COA3: variants seen among roughly 807,000 people sequenced by gnomAD.
The protein encoded by COA3 is cytochrome c oxidase assembly factor 3 homolog, mitochondrial.
COA3 carries 10 observed loss-of-function variants against 10.1 expected under a neutral mutation model. The ratio of observed to expected loss-of-function variants is 0.99; its 90% confidence interval spans 0.61 to 1.67. The LOEUF (loss-of-function observed/expected upper bound fraction) is 1.67. Ranked by LOEUF, COA3 falls within the 40% of genes most tolerant of loss-of-function variation. COA3 has a pLI of 0.00. For synonymous variants in COA3, 57 were observed against 63.1 expected, an observed-to-expected ratio of 0.90 and a Z score of 0.46; for missense variants, 142 against 140.7, an observed-to-expected ratio of 1.01 and a Z score of -0.05.
intron 1 of COA3, 112 bp from the exon 2 acceptor site, chr17:42,798,279 G>T: frequency 1.0e-6 from 1 of 971,320 alleles, no homozygotes; most frequent in Non-Finnish European, 1.6e-6. Context: ...TCCCGCCGCT[G>T]CTGTTTCTAA....
Position 42,798,567 on chromosome 17 carries a change from G to T in COA3, c.115C>A (p.Arg39=), listed in dbSNP as rs748106361. 2.5e-6 allele frequency: 4 copies of T among 1,614,000 alleles called. No individual in the cohort carries two copies. Among genetic ancestry groups the T allele is most frequent in the Non-Finnish European group, 2.5e-6 (3 of 1,180,044 alleles). Residue 39 remains arginine (R), a synonymous_variant, in exon 1 of 2, where the codon CGG becomes AGG. Coordinates refer to ENST00000328434, the MANE Select transcript of COA3 (RefSeq NM_001040431.3). ...TGCCACTGGGCAAGCTCCGCCTGCCGCATGGAATGCAGTTGCTCGGGTGTC... is the reference window on the plus strand; with the variant it reads ...TGCCACTGGGCAAGCTCCGCCTGCCTCATGGAATGCAGTTGCTCGGGTGTC... ...KLTPEQLHSM[R]QAELAQWQKV...
rs1377685102 is a variant in COA3 at position 42,798,628 on chromosome 17, C to CGGG, written c.51_53dup (p.Pro18dup). 1 of 1,614,110 alleles carries CGGG rather than the reference C, an allele frequency of 6.2e-7. No homozygotes were observed. On this transcript the variant is annotated inframe_insertion, in exon 1 of 2. Transcript: ENST00000328434. ...GAGTCGGGTCGATACGCTGAGCGAA[C>CGGG]GGGGCCTCTCCACGCTTAGAATCCA...
chr17:42,798,152 T>A lies in COA3; in HGVS notation c.230A>T (p.Tyr77Phe). The A allele has an allele frequency of 6.2e-7, 1 of 1,613,628 alleles. No homozygotes were observed. The highest frequency in any genetic ancestry group is 1.3e-5 in the African/African-American group (1 of 74,962). Reference protein sequence around the residue: ...LVLAIYGYTFYSISQERFLDE... With the variant: ...LVLAIYGYTFFSISQERFLDE... Reference sequence around the variant, plus strand: ...TAGGAAACGCTCCTGGGAAATCGAGTAGAAGGTGTAACCATCTGGGGAGGT... The same window carrying A: ...TAGGAAACGCTCCTGGGAAATCGAGAAGAAGGTGTAACCATCTGGGGAGGT... The change falls in exon 2 of 2, where the codon TAC becomes TTC. Residue 77 changes from tyrosine to phenylalanine, a missense_variant. Physicochemically the swap from Tyr to Phe is conservative, Grantham distance 22. Transcript: ENST00000328434.
rs769313228 is a variant in COA3 at position 42,798,186 on chromosome 17, G to T, written c.215-19C>A. Reference sequence around the variant, plus strand: ...TAACCATCTGGGGAGGTAGGTTCAGGAAACCACACAGAATATGCACATTCC... The same window carrying T: ...TAACCATCTGGGGAGGTAGGTTCAGTAAACCACACAGAATATGCACATTCC... On this transcript the variant is annotated intron_variant, in intron 1 of 1. Coordinates refer to ENST00000328434, the MANE Select transcript of COA3 (RefSeq NM_001040431.3). 1.3e-6 allele frequency: 2 copies of T among 1,533,180 alleles called. No homozygotes were observed. The highest frequency in any genetic ancestry group is 1.8e-6 in the Non-Finnish European group (2 of 1,106,872). The allele number at this position is 1,533,180 out of a possible 1,614,324, so 95.0% of individuals were successfully genotyped here. A position where few individuals can be genotyped will look rare whatever the true frequency, so the allele number is the denominator to read the frequency against.
In COA3 at chr17:42,798,102, C is replaced by A. The variant is rs776005973; in HGVS notation, c.280G>T (p.Ala94Ser). ...FLDELEDEAK[A>S]ARARALARAS... ...CTTGCCAGAGCTCGGGCTCGGGCAG[C>A]TTTGGCCTCGTCTTCTAGCTCATCT... Residue 94 changes from alanine (A) to serine (S), a missense_variant, in exon 2 of 2, where the codon GCT becomes TCT. Ala to Ser is a moderately conservative substitution (Grantham distance 99). Coordinates refer to ENST00000328434, the MANE Select transcript of COA3 (RefSeq NM_001040431.3). The A allele has an allele frequency of 6.2e-7, 1 of 1,614,166 alleles. No individual in the cohort carries two copies. Among genetic ancestry groups the A allele is most frequent in the Admixed American group, 1.7e-5 (1 of 60,026 alleles).
At position 42,798,111 on chromosome 17, in the gene COA3, C is replaced by A. The variant is rs61757404; in HGVS notation, c.271G>T (p.Glu91Ter). 1.9e-6 allele frequency: 3 copies of A among 1,614,092 alleles called. No individual in the cohort carries two copies. The highest frequency in any genetic ancestry group is 2.5e-6 in the Non-Finnish European group (3 of 1,180,020). Residue 91 changes from glutamate to a stop codon, truncating the protein, a stop_gained, in exon 2 of 2, where the codon GAG becomes TAG. Transcript: ENST00000328434. LOFTEE classifies it high-confidence loss of function. ...GCTCGGGCTCGGGCAGCTTTGGCCT[C>A]GTCTTCTAGCTCATCTAGGAAACGC... is the stretch of plus-strand genomic sequence containing the variant. ...QERFLDELEDEAKAARARALA... is the reference protein window; with the variant it reads ...QERFLDELED
In COA3 at chr17:42,798,056, C is replaced by CCAGA. The variant is rs749905448; in HGVS notation, c.*1_*4dup. On this transcript the variant is annotated 3_prime_UTR_variant, in exon 2 of 2. Transcript: ENST00000328434. ...CAGGTTGGACATGATCAATACCCATCCAGATTAGGACCCTGACGCCCTTGC... is the reference window on the plus strand; with the variant it reads ...CAGGTTGGACATGATCAATACCCATCCAGACAGATTAGGACCCTGACGCCCTTGC... The CCAGA allele has an allele frequency of 1.9e-5, 31 of 1,610,702 alleles. No individual in the cohort carries two copies. The highest frequency in any genetic ancestry group is 1.6e-4 in the Middle Eastern group (1 of 6,080).
At position 42,798,566 on chromosome 17, in the gene COA3, C is replaced by G. The variant is rs2054713715; in HGVS notation, c.116G>C (p.Arg39Pro). The change falls in exon 1 of 2, where the codon CGG (arginine) becomes CCG (proline). Residue 39 changes from arginine to proline, a missense_variant. Arg to Pro is a moderately radical substitution (Grantham distance 103). Transcript: ENST00000328434. ...CTGCCACTGGGCAAGCTCCGCCTGC[C>G]GCATGGAATGCAGTTGCTCGGGTGT... ...KLTPEQLHSM[R>P]QAELAQWQKV... The G allele has an allele frequency of 5.6e-6, 9 of 1,614,154 alleles. No individual in the cohort carries two copies. The highest frequency in any genetic ancestry group is 6.8e-6 in the Non-Finnish European group (8 of 1,180,054).
Position 42,798,152 on chromosome 17 carries a change from T to C in COA3, c.230A>G (p.Tyr77Cys). 1.9e-6 allele frequency: 3 copies of C among 1,613,630 alleles called. No individual in the cohort carries two copies. The highest frequency in any genetic ancestry group is 2.5e-6 in the Non-Finnish European group (3 of 1,179,676). ...LVLAIYGYTF[Y>C]SISQERFLDE... ...TAGGAAACGCTCCTGGGAAATCGAG[T>C]AGAAGGTGTAACCATCTGGGGAGGT... Residue 77 changes from tyrosine to cysteine, a missense_variant, in exon 2 of 2, where the codon TAC becomes TGC. Physicochemically the swap from Tyr to Cys is radical, Grantham distance 194 (BLOSUM62 -2). Coordinates refer to ENST00000328434, the MANE Select transcript of COA3 (RefSeq NM_001040431.3).
At chr17:42,798,232 C>G in intron 1 of COA3, 65 bp from the exon 2 acceptor site, 5 of 1,242,498 alleles carry the variant, frequency 4.0e-6, no homozygotes, top group Admixed American at 1.8e-5. Context: ...ATTTGCTCTA[C>G]CACTCTTGTT....
At position 42,798,437 on chromosome 17, in the gene COA3, G is replaced by A. The variant is rs560328119; in HGVS notation, c.214+31C>T. On this transcript the variant is annotated intron_variant, in intron 1 of 1. Coordinates refer to ENST00000328434, the MANE Select transcript of COA3 (RefSeq NM_001040431.3). ...CTCTGTTCCCCTGCCCCTATATGCGGTCCCCTTGAGTCTACAACACGGACG... is the reference window on the plus strand; with the variant it reads ...CTCTGTTCCCCTGCCCCTATATGCGATCCCCTTGAGTCTACAACACGGACG... 13 of 1,603,610 alleles carry A rather than the reference G, an allele frequency of 8.1e-6. No individual in the cohort carries two copies. The East Asian group carries it at 2.9e-4, about 36-fold the overall frequency.
intron 1 of COA3, 76 bp from the exon 2 acceptor site, chr17:42,798,243 AC>A: frequency 8.7e-7 from 1 of 1,148,394 alleles, no homozygotes; most frequent in Non-Finnish European, 1.3e-6. Context: ...CACTCTTGTT[AC>A]TCTCCCAAAT....
Position 42,798,000 on chromosome 17 carries a change from G to T in COA3, c.*61C>A. 1 of 1,096,224 alleles carries T rather than the reference G, an allele frequency of 9.1e-7. No homozygotes were observed. The highest frequency in any genetic ancestry group is 1.3e-5 in the South Asian group (1 of 78,356). 67.9% of individuals were successfully genotyped at this position (1,096,224 alleles called of 1,614,324 possible). On this transcript the variant is annotated 3_prime_UTR_variant, in exon 2 of 2. Coordinates refer to ENST00000328434, the MANE Select transcript of COA3 (RefSeq NM_001040431.3). ...AGGATTCAATTTCTACAGGGTCATGGGGCATCATCCACCATGTGAAGGGGC... is the reference window on the plus strand; with the variant it reads ...AGGATTCAATTTCTACAGGGTCATGTGGCATCATCCACCATGTGAAGGGGC...
Position 42,798,634 on chromosome 17 carries a change from C to A in COA3, c.48G>T (p.Glu16Asp), listed in dbSNP as rs766060637. 6.2e-7 allele frequency: 1 copy of A among 1,614,108 alleles called. No individual in the cohort carries two copies. The highest frequency in any genetic ancestry group is 1.1e-5 in the South Asian group (1 of 91,086). ...GGTCGATACGCTGAGCGAACGGGGC[C>A]TCTCCACGCTTAGAATCCAGAGGGT... is the stretch of plus-strand genomic sequence containing the variant. ...AGDPLDSKRG[E>D]APFAQRIDPT... The change falls in exon 1 of 2, where the codon GAG (glutamate) becomes GAT (aspartate). Residue 16 changes from glutamate to aspartate, a missense_variant. Coordinates refer to ENST00000328434, the MANE Select transcript of COA3 (RefSeq NM_001040431.3).
In COA3 at chr17:42,798,676, C is replaced by T; in HGVS notation, c.6G>A (p.Ala2=). 6.2e-7 allele frequency: 1 copy of T among 1,611,264 alleles called. No individual in the cohort carries two copies. Among genetic ancestry groups the T allele is most frequent in the Non-Finnish European group, 8.5e-7 (1 of 1,177,900 alleles). Reference sequence around the variant, plus strand: ...CCAGAGGGTCACCAGCTCCCGAAGACGCCATGTTGCCACTCCTCCCTTCGC... The same window carrying T: ...CCAGAGGGTCACCAGCTCCCGAAGATGCCATGTTGCCACTCCTCCCTTCGC... M[A]SSGAGDPLDS... is the part of the protein sequence containing the mutation. The change falls in exon 1 of 2, where the codon GCG becomes GCA. Residue 2 remains alanine, a synonymous_variant. Coordinates refer to ENST00000328434, the MANE Select transcript of COA3 (RefSeq NM_001040431.3).
At chr17:42,798,356 G>T (rs2054709949) in intron 1 of COA3, 112 bp downstream of exon 1, 2 of 1,102,500 alleles carry the variant, frequency 1.8e-6, no homozygotes, top group African/African-American at 1.6e-5. Context: ...AATAACAAAG[G>T]AAAGTACTAC....
rs766583994 is a variant in COA3, at chr17:42,798,136, C to T, written c.246G>A (p.Glu82=). The T allele has an allele frequency of 1.4e-5, 22 of 1,613,954 alleles. No individual in the cohort carries two copies. In the Admixed American group the frequency reaches 3.5e-4, roughly 26 times the overall value. The stretch of plus-strand genomic sequence containing the variant: ...CGTCTTCTAGCTCATCTAGGAAACG[C>T]TCCTGGGAAATCGAGTAGAAGGTGT... ...YGYTFYSISQ[E]RFLDELEDEA... The change falls in exon 2 of 2, where the codon GAG becomes GAA. Residue 82 remains glutamate, a synonymous_variant. Coordinates refer to ENST00000328434, the MANE Select transcript of COA3 (RefSeq NM_001040431.3).
intron 1 of COA3, 110 bp downstream of exon 1, chr17:42,798,358 A>G: frequency 9.0e-7 from 1 of 1,106,660 alleles, no homozygotes; most frequent in Non-Finnish European, 1.3e-6. Context: ...TAACAAAGGA[A>G]AGTACTACCC....
At position 42,798,553 on chromosome 17, in the gene COA3, A is replaced by C. The variant is rs779641955; in HGVS notation, c.129T>G (p.Leu43=). Residue 43 remains leucine, a synonymous_variant, in exon 1 of 2, where the codon CTT becomes CTG. Transcript: ENST00000328434. ...GTGGTAGGACCTTCTGCCACTGGGC[A>C]AGCTCCGCCTGCCGCATGGAATGCA... ...EQLHSMRQAE[L]AQWQKVLPRR... 2 of 1,613,862 alleles carry C rather than the reference A, an allele frequency of 1.2e-6. No homozygotes were observed. The highest frequency in any genetic ancestry group is 4.5e-5 in the East Asian group (2 of 44,880).
Sources: gnomAD v4.1 joint callset for allele counts on GRCh38, gnomAD v4.1.1 for gene constraint, MANE v1.5 for transcripts, NCBI Gene and HGNC (gene_info 2026-07-23, HGNC 2026-07-21) for gene names.